ARHGAP25: variants seen among roughly 807,000 people sequenced by gnomAD.
The protein encoded by ARHGAP25 is rho GTPase-activating protein 25.
Under a neutral mutation model 71.0 loss-of-function variants are expected in ARHGAP25, and 34 were observed. The observed-to-expected ratio is 0.48, with a 90% confidence interval of 0.36 to 0.64. ARHGAP25 has a LOEUF of 0.64. Ranked by LOEUF, ARHGAP25 falls within the 30% of genes least tolerant of loss-of-function variation. The pLI is 0.00. For missense variants in ARHGAP25, 706 were observed against 805.1 expected, an observed-to-expected ratio of 0.88 and a Z score of 1.49; for synonymous variants, 282 against 296.5, an observed-to-expected ratio of 0.95 and a Z score of 0.50.
intron 3 of ARHGAP25, among the ~76,000 whole-genome samples, chr2:68,787,417 A>G (rs916410254): frequency 3.3e-5 from 5 of 152,292 alleles, no homozygotes; most frequent in South Asian, 2.1e-4. Flanking sequence ...GTCATCTCCT[A>G]CCCTACCCCC....
chr2:68,778,251 A>G (rs1678062777), intron 2 of ARHGAP25, among the ~76,000 whole-genome samples: 1 of 152,182 alleles, frequency 6.6e-6, no homozygotes, highest in Non-Finnish European at 1.5e-5. Flanking sequence ...CAATTCAGAC[A>G]TTGATGCTCC....
intron 4 of ARHGAP25, among the ~76,000 whole-genome samples, chr2:68,801,520 T>C (rs1253020811): frequency 1.3e-5 from 2 of 152,188 alleles, no homozygotes; most frequent in East Asian, 1.9e-4. Context: ...GAATTTCATC[T>C]CAGATTTTAA....
intron 1 of ARHGAP25, among the ~76,000 whole-genome samples, chr2:68,737,459 T>C (rs1321759268): frequency 6.6e-6 from 1 of 152,206 alleles, no homozygotes; most frequent in Non-Finnish European, 1.5e-5. Flanking sequence ...AATTATAGGA[T>C]GTTTAGCAGA....
Position 68,767,148 on chromosome 2 carries a change from A to G in ARHGAP25, c.62-8073A>G, listed in dbSNP as rs1392581303. 3.3e-5 allele frequency among the ~76,000 whole-genome samples: 5 copies of G among 152,212 alleles called. No individual in the cohort carries two copies. The highest frequency in any genetic ancestry group is 7.3e-5 in the Non-Finnish European group (5 of 68,046). ...TGTGGTTTAATTTCAGGGTACAGAG[A>G]GAAGGCTCCTTTGCTGTCATCAGTC... On this transcript the variant is annotated intron_variant, in intron 1 of 10. Coordinates refer to ENST00000409202, the MANE Select transcript of ARHGAP25 (RefSeq NM_001007231.3). This position sits in a 1 kb window ranked among gnomAD's most constrained non-coding sequence, Gnocchi z 4.6.
At chr2:68,721,868 ACT>A (rs1420864815) in intron 2 of ARHGAP25, among the ~76,000 whole-genome samples, 6 of 152,012 alleles carry the variant, frequency 3.9e-5, no homozygotes, top group Middle Eastern at 3.4e-3. Flanking sequence ...CGAGATTATA[ACT>A]CTCTCCTTTC....
chr2:68,817,960 G>A lies in ARHGAP25; in HGVS notation c.969G>A (p.Arg323=), dbSNP rs374167723. The change falls in exon 8 of 11, where the codon AGG becomes AGA. Residue 323 remains arginine, a synonymous_variant. Transcript: ENST00000409202. ...CTGTGATTGGTGTGAATCTCATCAG[G>A]TCGAAGGTCGAAGACCCTGCCGTGA... The part of the protein sequence containing the change: ...LATVIGVNLI[R]SKVEDPAVIM... 52 of 1,614,042 alleles carry A rather than the reference G, an allele frequency of 3.2e-5. 1 individual carries two copies. The South Asian group carries it at 5.2e-4, about 16-fold the overall frequency.
chr2:68,784,208 A>ACC (rs1373389477), intron 3 of ARHGAP25, among the ~76,000 whole-genome samples: 36 of 151,754 alleles, frequency 2.4e-4, no homozygotes, highest in Middle Eastern at 3.4e-3. Flanking sequence ...ACACACACAC[A>ACC]CCACATCTCA....
intron 1 of ARHGAP25, among the ~76,000 whole-genome samples, chr2:68,774,160 G>C (rs1677670812): frequency 6.6e-6 from 1 of 152,176 alleles, no homozygotes; most frequent in Non-Finnish European, 1.5e-5. Flanking sequence ...AAGGAGAGGG[G>C]TGCAGACACT....
intron 4 of ARHGAP25, among the ~76,000 whole-genome samples, chr2:68,801,240 G>A (rs1679940909): frequency 6.6e-6 from 1 of 152,138 alleles, no homozygotes; most frequent in Non-Finnish European, 1.5e-5. Flanking sequence ...CAGATGTCAA[G>A]TTCAAAGTCT....
rs1035266096 is a variant in ARHGAP25 at position 68,775,278 on chromosome 2, C to T, written c.119C>T (p.Thr40Ile). The part of the protein sequence containing the change: ...EQMAAFHPSS[T>I]PNPLERPIKM... The stretch of plus-strand genomic sequence containing the variant: ...ATGGCTGCCTTCCATCCATCGTCCA[C>T]CCCCAACCCGCTGGAGAGGCCCATC... The change falls in exon 2 of 11, where the codon ACC becomes ATC. Residue 40 changes from threonine to isoleucine, a missense_variant. By Grantham distance (89) the Thr-to-Ile change is moderately conservative (BLOSUM62 -1). Transcript: ENST00000409202. The T allele has an allele frequency of 6.2e-7, 1 of 1,614,128 alleles. No individual in the cohort carries two copies. Among genetic ancestry groups the T allele is most frequent in the African/African-American group, 1.3e-5 (1 of 74,942 alleles).
chr2:68,748,251 C>G (rs1024248744), intron 1 of ARHGAP25, among the ~76,000 whole-genome samples: 4 of 152,170 alleles, frequency 2.6e-5, no homozygotes, highest in Non-Finnish European at 5.9e-5. Flanking sequence ...AAATGTGCTT[C>G]CCAGATCTTA....
intron 4 of ARHGAP25, among the ~76,000 whole-genome samples, chr2:68,788,234 T>C (rs532295788): frequency 1.2e-4 from 19 of 152,350 alleles, no homozygotes; most frequent in African/African-American, 4.3e-4. Context: ...ATGTGTATGA[T>C]ATCTGGAAGT....
At chr2:68,755,808 C>T (rs1401419603) in intron 1 of ARHGAP25, among the ~76,000 whole-genome samples, 2 of 152,184 alleles carry the variant, frequency 1.3e-5, no homozygotes, top group Non-Finnish European at 2.9e-5. Flanking sequence ...TTGATTTGTT[C>T]TTGAGCACAC....
At chr2:68,820,044 G>A (rs182965307) in intron 9 of ARHGAP25, among the ~76,000 whole-genome samples, 12 of 152,278 alleles carry the variant, frequency 7.9e-5, no homozygotes, top group Admixed American at 1.3e-4. Context: ...CTACAGTACT[G>A]TTAGCCCTGA....
intron 2 of ARHGAP25, among the ~76,000 whole-genome samples, chr2:68,715,110 C>T (rs1674577864): frequency 6.6e-6 from 1 of 152,124 alleles, no homozygotes; most frequent in Non-Finnish European, 1.5e-5. Context: ...ACCTTGTGAG[C>T]AGGAAGTCAG....
At chr2:68,725,430 TC>T (rs1036127736) in intron 2 of ARHGAP25, among the ~76,000 whole-genome samples, 3 of 151,964 alleles carry the variant, frequency 2.0e-5, no homozygotes, top group Admixed American at 6.6e-5. Context: ...GCTCACACAT[TC>T]CCCCCATCTC....
At chr2:68,717,510 C>T (rs577075091) in intron 2 of ARHGAP25, among the ~76,000 whole-genome samples, 78 of 152,314 alleles carry the variant, frequency 5.1e-4, no homozygotes, top group African/African-American at 1.9e-3. Flanking sequence ...ATCACAGCCT[C>T]TGACAGGTTT....
chr2:68,749,337 AG>A (rs1319877769), intron 1 of ARHGAP25, among the ~76,000 whole-genome samples: 1 of 152,186 alleles, frequency 6.6e-6, no homozygotes, highest in Non-Finnish European at 1.5e-5. Flanking sequence ...CTTGTATCAC[AG>A]GAACTAGGTC....
intron 3 of ARHGAP25, among the ~76,000 whole-genome samples, chr2:68,784,145 T>C (rs76846342): frequency 0.049 from 7,418 of 151,886 alleles, 197 homozygotes; most frequent in Admixed American, 0.076. Context: ...CAGATCCTTT[T>C]TCTCTCTCTC....
Sources: allele counts gnomAD v4.1 joint callset (sites outside exome capture counted in the v4.1 genomes callset), GRCh38; gene constraint gnomAD v4.1.1; non-coding constraint Gnocchi (gnomAD v3.1); transcripts MANE v1.5; gene names NCBI Gene and HGNC (gene_info 2026-07-23, HGNC 2026-07-21).